Variants in PKD1L3 observed in about 807,000 individuals in gnomAD.
The protein encoded by PKD1L3 is polycystin-1-like protein 3.
A neutral mutation model predicts 184.1 loss-of-function variants in PKD1L3; 239 were observed. That is an observed-to-expected ratio of 1.30 (90% CI 1.17 to 1.45). The LOEUF (loss-of-function observed/expected upper bound fraction) is 1.45, where lower values mean the gene tolerates loss of function less well. Ranked by LOEUF, PKD1L3 falls within the 40% of genes most tolerant of loss-of-function variation. The pLI, the probability that PKD1L3 is intolerant of heterozygous loss-of-function variation, is 0.00. For missense variants in PKD1L3, 2,660 were observed against 2,067.2 expected (o/e 1.29, Z -5.56); for synonymous variants, 996 against 778.8 (o/e 1.28, Z -4.64).
intron 24 of PKD1L3, among the ~76,000 whole-genome samples, chr16:71,938,809 C>T (rs2038266456): frequency 6.6e-6 from 1 of 152,222 alleles, no homozygotes; most frequent in South Asian, 2.1e-4. Flanking sequence ...ACTGTCTTGT[C>T]ACTCAATGAA....
chr16:71,957,214 A>C (rs1038285410), intron 16 of PKD1L3, among the ~76,000 whole-genome samples: 3 of 152,180 alleles, frequency 2.0e-5, no homozygotes, highest in African/African-American at 7.2e-5. Flanking sequence ...CCTCTGGGAG[A>C]TTCTATGCCA....
At position 71,929,552 on chromosome 16, in the gene PKD1L3, C is replaced by G; in HGVS notation, c.5185G>C (p.Asp1729His). The G allele has an allele frequency of 1.3e-6, 2 of 1,550,974 alleles. No homozygotes were observed. The highest frequency in any genetic ancestry group is 1.2e-5 in the South Asian group (1 of 83,824). Residue 1729 changes from aspartate to histidine, a missense_variant, in exon 30 of 30, where the codon GAT (aspartate) becomes CAT (histidine). Asp to His is a moderately conservative substitution (Grantham distance 81, BLOSUM62 -1). Transcript: ENST00000620267. The stretch of plus-strand genomic sequence containing the variant: ...AGATAACAGGATTAAGGTAGTTCAT[C>G]TAAAACTTCAGTGTCACTGCCCACT... Reference protein sequence around the residue: ...TAVGSDTEVLDELP With the variant: ...TAVGSDTEVLHELP
chr16:71,971,520 G>A (rs2039708174), intron 12 of PKD1L3, among the ~76,000 whole-genome samples: 1 of 152,164 alleles, frequency 6.6e-6, no homozygotes. Flanking sequence ...CTTTCATGGA[G>A]TCCAAGCACT....
At position 71,944,039 on chromosome 16, in the gene PKD1L3, C is replaced by T. The variant is rs1440330787; in HGVS notation, c.3850G>A (p.Asp1284Asn). 30 of 1,551,396 alleles carry T rather than the reference C, an allele frequency of 1.9e-5. No homozygotes were observed. Among genetic ancestry groups the T allele is most frequent in the Non-Finnish European group, 2.5e-5 (29 of 1,146,960 alleles). The change falls in exon 23 of 30, where the codon GAT (aspartate) becomes AAT (asparagine). Residue 1284 changes from aspartate to asparagine, a missense_variant. Coordinates refer to ENST00000620267, the MANE Select transcript of PKD1L3 (RefSeq NM_181536.2). ...CATTTCCTCTCCATACCCAAAATAT[C>T]TCCAGTCAGCTTGAAGAGTTTCTTC... The part of the protein sequence containing the change: ...KKKKLFKLTG[D>N]ILVQILFLTL...
At chr16:71,936,519 CTTTT>C (rs397785025) in intron 25 of PKD1L3, among the ~76,000 whole-genome samples, 4 of 123,524 alleles carry the variant, frequency 3.2e-5, no homozygotes, top group South Asian at 2.5e-4. Flanking sequence ...TTTTTTTTTT[CTTTT>C]TTTTTTTTTT....
chr16:71,961,060 G>A (rs766378518), intron 16 of PKD1L3, among the ~76,000 whole-genome samples: 6 of 152,166 alleles, frequency 3.9e-5, no homozygotes, highest in Admixed American at 1.3e-4. Context: ...TTTAGAGACA[G>A]GATCTCATTT....
At chr16:71,951,189 G>A (rs1365991431) in intron 19 of PKD1L3, among the ~76,000 whole-genome samples, 2 of 151,960 alleles carry the variant, frequency 1.3e-5, no homozygotes, top group Non-Finnish European at 2.9e-5. Context: ...ACAGGCGCCC[G>A]CCACTACACC....
chr16:71,978,296 G>A lies in PKD1L3; in HGVS notation c.1486C>T (p.Arg496Cys), dbSNP rs891687629. Reference protein sequence around the residue: ...SIGSVLLSANRKLLQVHDLME... With the variant: ...SIGSVLLSANCKLLQVHDLME... ...AAATCATGGACTTGGAGCAATTTACGATTAGCGCTTAGTAACACACTTCCA... is the reference window on the plus strand; with the variant it reads ...AAATCATGGACTTGGAGCAATTTACAATTAGCGCTTAGTAACACACTTCCA... The change falls in exon 10 of 30, where the codon CGT (arginine) becomes TGT (cysteine). Residue 496 changes from arginine (R) to cysteine (C), a missense_variant. Physicochemically the swap from Arg to Cys is radical, Grantham distance 180 (BLOSUM62 -3). Coordinates refer to ENST00000620267, the MANE Select transcript of PKD1L3 (RefSeq NM_181536.2). The A allele has an allele frequency of 2.5e-5, 38 of 1,550,058 alleles. No individual in the cohort carries two copies. The highest frequency in any genetic ancestry group is 7.1e-5 in the South Asian group (6 of 84,002).
chr16:71,954,920 A>G (rs2038987519), intron 16 of PKD1L3, among the ~76,000 whole-genome samples: 1 of 152,168 alleles, frequency 6.6e-6, no homozygotes, highest in African/African-American at 2.4e-5. Flanking sequence ...CACTGGGTGC[A>G]GAAAAGGGAG....
rs1332748299 is a variant in PKD1L3, at chr16:71,978,493, GTGTATATATA to G, written c.1399-120_1399-111del. ...TGTATATATGTGTGTGTGTGTGTGT[GTGTATATATA>G]TATATATATATATATATACATACAT... is the stretch of plus-strand genomic sequence containing the variant. On this transcript the variant is annotated intron_variant, in intron 9 of 29. Coordinates refer to ENST00000620267, the MANE Select transcript of PKD1L3 (RefSeq NM_181536.2). The G allele has an allele frequency of 1.3e-4, 16 of 119,338 alleles. No individual in the cohort carries two copies. The African/African-American group carries it at 1.9e-3, about 14-fold the overall frequency. The allele number at this position is 119,338 out of a possible 1,614,324, so 7.4% of individuals were successfully genotyped here. A position where few individuals can be genotyped will look rare whatever the true frequency, so the allele number is the denominator to read the frequency against.
chr16:71,981,835 C>A (rs948966069), intron 7 of PKD1L3, among the ~76,000 whole-genome samples: 4 of 152,102 alleles, frequency 2.6e-5, no homozygotes, highest in Non-Finnish European at 4.4e-5. Context: ...GCCACCGGGT[C>A]CAGCCCCTAA....
In PKD1L3 at chr16:71,979,801, T is replaced by C; in HGVS notation, c.1383A>G (p.Pro461=). The change falls in exon 9 of 30, where the codon CCA becomes CCG. Residue 461 remains proline, a synonymous_variant. Transcript: ENST00000620267. ...LALKELLNKH[P]GVNVQITGLA... ...TCACACTCACTTGGACATTAACTCC[T>C]GGATGTTTATTCAAGAGCTCCTTCA... The C allele has an allele frequency of 1.3e-6, 2 of 1,507,664 alleles. No homozygotes were observed. The highest frequency in any genetic ancestry group is 1.8e-6 in the Non-Finnish European group (2 of 1,133,062). 93.4% of individuals were successfully genotyped at this position (1,507,664 alleles called of 1,614,324 possible).
In PKD1L3 at chr16:71,942,201, G is replaced by A. The variant is rs775735731; in HGVS notation, c.4324+359C>T. On this transcript the variant is annotated intron_variant, in intron 24 of 29. Transcript: ENST00000620267. ...AAAAAAATCAGCCAGGCATGGTGGCGGGCACCTGTAATCCCAGTTACTTGG... is the reference window on the plus strand; with the variant it reads ...AAAAAAATCAGCCAGGCATGGTGGCAGGCACCTGTAATCCCAGTTACTTGG... Among the ~76,000 whole-genome samples, 145 of 151,822 alleles carry A rather than the reference G, an allele frequency of 9.6e-4. 1 individual carries two copies. Among genetic ancestry groups the A allele is most frequent in the Admixed American group, 3.9e-4 (6 of 15,224 alleles).
chr16:71,948,815 A>AGT, intron 21 of PKD1L3, among the ~76,000 whole-genome samples: 1 of 149,754 alleles, frequency 6.7e-6, no homozygotes, highest in African/African-American at 2.4e-5. Context: ...AAAAAAAAAA[A>AGT]AAAAAAAAAA....
intron 24 of PKD1L3, among the ~76,000 whole-genome samples, chr16:71,940,986 C>G (rs1277343709): frequency 6.6e-6 from 1 of 152,044 alleles, no homozygotes; most frequent in East Asian, 1.9e-4. Context: ...CATGTGCACA[C>G]CACCATGCCA....
chr16:71,990,772 A>C (rs1340203275), intron 3 of PKD1L3, among the ~76,000 whole-genome samples: 1 of 152,030 alleles, frequency 6.6e-6, no homozygotes, highest in Non-Finnish European at 1.5e-5. Context: ...AGGAAGGAAA[A>C]GACAAAAGGG....
rs1597369216 is a variant in PKD1L3 at position 71,986,415 on chromosome 16, T to C, written c.640A>G (p.Thr214Ala). 1.9e-6 allele frequency: 3 copies of C among 1,551,952 alleles called. No homozygotes were observed. The highest frequency in any genetic ancestry group is 2.6e-6 in the Non-Finnish European group (3 of 1,146,958). ...GATGCGGCTGATGTTACCTGTGATG[T>C]GATACTTGATAGTACTGAAGGAAAC... is the stretch of plus-strand genomic sequence containing the variant. ...SQFPSVLSSITSQVTSAASEP... is the reference protein window; with the variant it reads ...SQFPSVLSSIASQVTSAASEP... The change falls in exon 5 of 30, where the codon ACA becomes GCA. Residue 214 changes from threonine to alanine, a missense_variant. Coordinates refer to ENST00000620267, the MANE Select transcript of PKD1L3 (RefSeq NM_181536.2).
chr16:71,964,565 T>C (rs991436171), intron 15 of PKD1L3, among the ~76,000 whole-genome samples: 2 of 151,762 alleles, frequency 1.3e-5, no homozygotes, highest in Non-Finnish European at 2.9e-5. Flanking sequence ...GGTCTCGATC[T>C]CCTGACCTCG....
intron 14 of PKD1L3, among the ~76,000 whole-genome samples, chr16:71,967,681 T>C (rs937402675): frequency 6.6e-6 from 1 of 152,116 alleles, no homozygotes. Flanking sequence ...GCCAGGCTGG[T>C]CTCAAACTCC....
Sources: allele counts gnomAD v4.1 joint callset (sites outside exome capture counted in the v4.1 genomes callset), GRCh38; gene constraint gnomAD v4.1.1; transcripts MANE v1.5; gene names NCBI Gene and HGNC (gene_info 2026-07-23, HGNC 2026-07-21).